Variants in PRRC2C observed in about 807,000 individuals in gnomAD.
PRRC2C encodes the protein protein PRRC2C.
PRRC2C carries 72 observed loss-of-function variants against 317.2 expected under a neutral mutation model. That is an observed-to-expected ratio of 0.23 (90% CI 0.19 to 0.28). PRRC2C has a LOEUF of 0.28. Among genes scored for constraint, PRRC2C ranks in the 10% least tolerant of loss-of-function variants. The pLI, the probability that PRRC2C is intolerant of heterozygous loss-of-function variation, is 1.00. For synonymous variants in PRRC2C, 1,296 were observed against 1,205.9 expected (o/e 1.07, Z -1.55); for missense variants, 3,074 against 3,459.7 (o/e 0.89, Z 2.80).
chr1:171,533,896 G>A (rs1402742269), intron 12 of PRRC2C, among the ~76,000 whole-genome samples: 1 of 152,066 alleles, frequency 6.6e-6, no homozygotes, highest in African/African-American at 2.4e-5. Context: ...TACTGGGATT[G>A]TAGACGTGAG....
chr1:171,562,598 G>A (rs1475066039), intron 20 of PRRC2C, among the ~76,000 whole-genome samples: 1 of 152,206 alleles, frequency 6.6e-6, no homozygotes, highest in Admixed American at 6.5e-5. Context: ...GTGTTAAATG[G>A]AGTATGAGAA....
chr1:171,522,213 C>G lies in PRRC2C; in HGVS notation c.787C>G (p.Leu263Val). 1.2e-6 allele frequency: 2 copies of G among 1,600,138 alleles called. No individual in the cohort carries two copies. Among genetic ancestry groups the G allele is most frequent in the Non-Finnish European group, 1.7e-6 (2 of 1,169,006 alleles). ...QQYPRMTYPP[L>V]HGPMRFPPSL... ...GTATCCGAGGATGACATATCCTCCT[C>G]TACATGGTCCCATGAGATTCCCACC... The change falls in exon 7 of 35, where the codon CTA becomes GTA. Residue 263 changes from leucine (L) to valine (V), a missense_variant. Leu to Val is a conservative substitution (Grantham distance 32, BLOSUM62 1). Around this residue, in one of 11 missense-constraint regions of PRRC2C, gnomAD observed 237 missense variants for 199.5 expected, o/e 1.19. Coordinates refer to ENST00000647382, the MANE Select transcript of PRRC2C (RefSeq NM_001387844.1).
chr1:171,577,737 C>T (rs1736632), intron 26 of PRRC2C, 100 bp downstream of exon 26: 12 of 891,976 alleles, frequency 1.3e-5, no homozygotes, highest in South Asian at 4.8e-5. Flanking sequence ...GCATAAGGCT[C>T]TTAAAGTACA....
chr1:171,517,837 G>T (rs983480522), intron 6 of PRRC2C, 23 bp downstream of exon 6: 3 of 1,590,178 alleles, frequency 1.9e-6, no homozygotes, highest in Non-Finnish European at 2.6e-6. Flanking sequence ...AAATGAACAA[G>T]CATTCAAACA....
rs753145185 is a variant in PRRC2C, at chr1:171,587,204, A to T, written c.7951A>T (p.Ile2651Phe). The T allele has an allele frequency of 3.7e-6, 6 of 1,603,698 alleles. No homozygotes were observed. The highest frequency in any genetic ancestry group is 5.1e-6 in the Non-Finnish European group (6 of 1,174,834). Residue 2651 changes from isoleucine to phenylalanine, a missense_variant, in exon 31 of 35, where the codon ATT (isoleucine) becomes TTT (phenylalanine). Physicochemically the swap from Ile to Phe is conservative, Grantham distance 21. This residue lies in a region of PRRC2C where 490 missense variants were observed against 663.1 expected (regional missense o/e 0.74). Transcript: ENST00000647382. Reference protein sequence around the residue: ...LIPAGTQHSMIATTGKMSEME... With the variant: ...LIPAGTQHSMFATTGKMSEME... ...TCCTGCTGGAACACAGCATAGCATG[A>T]TTGCAACCACAGGAAAAGTAAGTAA...
At chr1:171,551,745 C>A (rs1680290861) in intron 18 of PRRC2C, among the ~76,000 whole-genome samples, 1 of 152,124 alleles carries the variant, frequency 6.6e-6, no homozygotes. Context: ...TTGTTTTTGT[C>A]AGGTTTGCCA....
Position 171,542,035 on chromosome 1 carries a change from A to G in PRRC2C, c.4569A>G (p.Ala1523=). Residue 1523 remains alanine (A), a synonymous_variant, in exon 16 of 35, where the codon GCA becomes GCG. Transcript: ENST00000647382. ...AAAAAAAAAATGCTGACTTGAATGC[A>G]CAAACAGTTGTAAAGGTTGGAGAGA... ...RDEKKNADLN[A]QTVVKVGENV... 6.2e-7 allele frequency: 1 copy of G among 1,613,926 alleles called. No homozygotes were observed. The highest frequency in any genetic ancestry group is 8.5e-7 in the Non-Finnish European group (1 of 1,179,872).
intron 17 of PRRC2C, among the ~76,000 whole-genome samples, chr1:171,547,831 G>A (rs148976295): frequency 5.9e-4 from 90 of 151,834 alleles, no homozygotes; most frequent in African/African-American, 1.6e-3. Context: ...TTTTAGTAGC[G>A]ACTTTAGTAG....
At chr1:171,555,081 C>T (rs979601125) in intron 18 of PRRC2C, among the ~76,000 whole-genome samples, 4 of 152,312 alleles carry the variant, frequency 2.6e-5, no homozygotes, top group South Asian at 4.2e-4. Flanking sequence ...CCATTCTCCC[C>T]GTCACTTTCA....
At chr1:171,573,930 G>T (rs1465501890) in intron 24 of PRRC2C, among the ~76,000 whole-genome samples, 2 of 151,904 alleles carry the variant, frequency 1.3e-5, no homozygotes, top group Non-Finnish European at 2.9e-5. Flanking sequence ...GCCTGCCTCA[G>T]CCTCTCAAAG....
rs543971072 is a variant in PRRC2C at position 171,522,769 on chromosome 1, G to A, written c.834-452G>A. Among the ~76,000 whole-genome samples, 39 of 152,026 alleles carry A rather than the reference G, an allele frequency of 2.6e-4. No individual in the cohort carries two copies. The East Asian group carries it at 3.1e-3, about 12-fold the overall frequency. ...AGCCTGAGCGACAGAGCAAGACTCC[G>A]TCTCAAAACAAAAAGAAAACTGAAA... On this transcript the variant is annotated intron_variant, in intron 7 of 34. Transcript: ENST00000647382.
At chr1:171,579,109 T>A (rs1647916793) in intron 26 of PRRC2C, among the ~76,000 whole-genome samples, 1 of 152,180 alleles carries the variant, frequency 6.6e-6, no homozygotes, top group South Asian at 2.1e-4. Context: ...TATACCCCAT[T>A]GGCGGTATAT....
chr1:171,514,046 A>G (rs1671863090), intron 3 of PRRC2C, among the ~76,000 whole-genome samples: 1 of 152,222 alleles, frequency 6.6e-6, no homozygotes, highest in Non-Finnish European at 1.5e-5. Flanking sequence ...ACTCATGTGA[A>G]TGCATTAGGC....
chr1:171,591,965 T>G lies in PRRC2C; in HGVS notation c.*118T>G. 4 of 1,311,682 alleles carry G rather than the reference T, an allele frequency of 3.0e-6. No homozygotes were observed. Among genetic ancestry groups the G allele is most frequent in the Non-Finnish European group, 4.2e-6 (4 of 950,074 alleles). The allele number at this position is 1,311,682 out of a possible 1,614,324, so 81.3% of individuals were successfully genotyped here. On this transcript the variant is annotated 3_prime_UTR_variant, in exon 35 of 35. Transcript: ENST00000647382. ...CTGTGACATTATCCTGTTCAGAGCT[T>G]GGAGATGTACAAGGGACATAGGAGC... is the stretch of plus-strand genomic sequence containing the variant.
chr1:171,542,694 C>T (rs1412878266), intron 16 of PRRC2C, among the ~76,000 whole-genome samples: 1 of 152,212 alleles, frequency 6.6e-6, no homozygotes, highest in African/African-American at 2.4e-5. Flanking sequence ...ACACCAATAA[C>T]ATAATTGCCA....
At chr1:171,579,708 G>T in intron 27 of PRRC2C, 120 bp from the exon 28 acceptor site, 1 of 1,307,052 alleles carries the variant, frequency 7.7e-7, no homozygotes, top group Non-Finnish European at 1.0e-6. Context: ...TTTTAAAATG[G>T]AGCTGATATA....
At chr1:171,550,281 T>C (rs1679938937) in intron 18 of PRRC2C, 41 bp downstream of exon 18, 2 of 1,501,960 alleles carry the variant, frequency 1.3e-6, no homozygotes, top group African/African-American at 2.8e-5. Flanking sequence ...TATCTAGATT[T>C]GTTGCCCAAA....
chr1:171,489,998 C>T (rs1307192364), intron 1 of PRRC2C, among the ~76,000 whole-genome samples: 2 of 152,160 alleles, frequency 1.3e-5, no homozygotes, highest in Non-Finnish European at 2.9e-5. Flanking sequence ...TGGCTCACTG[C>T]AACCTCTCCC....
intron 30 of PRRC2C, 133 bp downstream of exon 30, chr1:171,584,659 C>T: frequency 9.5e-7 from 1 of 1,054,744 alleles, no homozygotes; most frequent in Non-Finnish European, 1.3e-6. Context: ...CTGAGATGTC[C>T]TGAAGAATTC....
Sources: gnomAD v4.1 joint callset for allele counts (sites outside exome capture counted in the v4.1 genomes callset) on GRCh38, gnomAD v4.1.1 for gene constraint, gnomAD v4.1.1 regional missense constraint, MANE v1.5 for transcripts, NCBI Gene and HGNC (gene_info 2026-07-23, HGNC 2026-07-21) for gene names.